SLC24A3: variants seen among roughly 807,000 people sequenced by gnomAD.
SLC24A3 encodes the protein solute carrier family 24 member 3, also known as sodium/potassium/calcium exchanger 3.
Under a neutral mutation model 75.8 loss-of-function variants are expected in SLC24A3, and 28 were observed. The observed-to-expected ratio is 0.37, with a 90% CI of 0.27 to 0.51. The LOEUF (loss-of-function observed/expected upper bound fraction) is 0.51, where lower values mean the gene tolerates loss of function less well. Ranked by LOEUF, SLC24A3 falls within the 20% of genes least tolerant of loss-of-function variation. The pLI, the probability that SLC24A3 is intolerant of heterozygous loss-of-function variation, is 0.94. For synonymous variants in SLC24A3, 372 were observed against 334.1 expected, an observed-to-expected ratio of 1.11 and a Z score of -1.24; for missense variants, 663 against 847.8, an observed-to-expected ratio of 0.78 and a Z score of 2.71.
intron 2 of SLC24A3, among the ~76,000 whole-genome samples, chr20:19,434,469 A>G (rs1228095896): frequency 6.6e-6 from 1 of 152,242 alleles, no homozygotes; most frequent in Non-Finnish European, 1.5e-5. Flanking sequence ...GAACATTTCA[A>G]TTCTGGAAAA....
chr20:19,369,402 A>G (rs1023904295), intron 2 of SLC24A3, among the ~76,000 whole-genome samples: 44 of 152,216 alleles, frequency 2.9e-4, no homozygotes, highest in African/African-American at 9.2e-4. Flanking sequence ...GGCATGAAAG[A>G]CAAAGCAAGA....
intron 2 of SLC24A3, among the ~76,000 whole-genome samples, chr20:19,429,703 C>G (rs1246913096): frequency 6.6e-6 from 1 of 152,090 alleles, no homozygotes. Flanking sequence ...TCTGGGCCGG[C>G]CGACTCTATA....
chr20:19,520,925 AG>A (rs1190939005), intron 3 of SLC24A3, among the ~76,000 whole-genome samples: 3 of 152,298 alleles, frequency 2.0e-5, no homozygotes, highest in Admixed American at 6.5e-5. Flanking sequence ...AAAACTGCAG[AG>A]GAAGCTGATT....
intron 2 of SLC24A3, among the ~76,000 whole-genome samples, chr20:19,467,644 C>A (rs1185318470): frequency 9.4e-4 from 143 of 152,152 alleles, no homozygotes; most frequent in Non-Finnish European, 1.3e-4. Context: ...ACTTTGAGAG[C>A]CCGAGGAGTG....
At chr20:19,655,537 A>G (rs914437451) in intron 7 of SLC24A3, among the ~76,000 whole-genome samples, 2 of 152,106 alleles carry the variant, frequency 1.3e-5, no homozygotes, top group African/African-American at 4.8e-5. Context: ...AGGGCTGGTG[A>G]AAGTATTTCT....
At chr20:19,470,118 A>G (rs1354848449) in intron 2 of SLC24A3, among the ~76,000 whole-genome samples, 1 of 152,170 alleles carries the variant, frequency 6.6e-6, no homozygotes, top group Non-Finnish European at 1.5e-5. Context: ...TCCTTGGCCC[A>G]TTCAGCTCTG....
intron 2 of SLC24A3, among the ~76,000 whole-genome samples, chr20:19,480,611 A>G (rs1172670692): frequency 1.3e-5 from 2 of 152,162 alleles, no homozygotes; most frequent in African/African-American, 4.8e-5. Context: ...CAACTAGCCC[A>G]TTCAGCTCCT....
At chr20:19,638,650 C>A (rs900381327) in intron 6 of SLC24A3, among the ~76,000 whole-genome samples, 3 of 152,080 alleles carry the variant, frequency 2.0e-5, no homozygotes, top group African/African-American at 7.2e-5. Flanking sequence ...TGAGAGGGTG[C>A]TATTATTATC....
chr20:19,243,061 CT>C (rs1318667815), intron 1 of SLC24A3, among the ~76,000 whole-genome samples: 1 of 151,918 alleles, frequency 6.6e-6, no homozygotes, highest in Admixed American at 6.6e-5. Flanking sequence ...ATAAAAGTTT[CT>C]TTTTTATTTG....
intron 2 of SLC24A3, among the ~76,000 whole-genome samples, chr20:19,371,064 C>T (rs952725146): frequency 2.0e-5 from 3 of 152,104 alleles, no homozygotes; most frequent in African/African-American, 7.2e-5. Flanking sequence ...AGCTCCTGAG[C>T]AAGGATTTGG....
chr20:19,464,888 G>T (rs1484269020), intron 2 of SLC24A3, among the ~76,000 whole-genome samples: 1 of 152,176 alleles, frequency 6.6e-6, no homozygotes, highest in Non-Finnish European at 1.5e-5. Context: ...AGTCAATATT[G>T]TCTAGCATCA....
chr20:19,684,807 G>A (rs913772878), intron 11 of SLC24A3, among the ~76,000 whole-genome samples: 2 of 152,164 alleles, frequency 1.3e-5, no homozygotes, highest in Non-Finnish European at 2.9e-5. Flanking sequence ...TGCAGTCTGG[G>A]GAAGAAAGAT....
At chr20:19,248,883 C>G (rs761275093) in intron 1 of SLC24A3, among the ~76,000 whole-genome samples, 4 of 149,618 alleles carry the variant, frequency 2.7e-5, no homozygotes, top group Non-Finnish European at 4.4e-5. Flanking sequence ...GTGAAATTAG[C>G]CAGGCACAGA....
chr20:19,646,967 A>T (rs2032147614), intron 6 of SLC24A3, among the ~76,000 whole-genome samples: 1 of 151,936 alleles, frequency 6.6e-6, no homozygotes, highest in African/African-American at 2.4e-5. Context: ...TTACCAGTTC[A>T]GTTCCCACTG....
intron 2 of SLC24A3, among the ~76,000 whole-genome samples, chr20:19,316,187 C>T (rs988901592): frequency 6.6e-6 from 1 of 152,178 alleles, no homozygotes; most frequent in East Asian, 1.9e-4. Context: ...CACTTTCTAC[C>T]GTCACAAAGT....
intron 2 of SLC24A3, among the ~76,000 whole-genome samples, chr20:19,493,204 A>G (rs556054680): frequency 6.6e-6 from 1 of 152,272 alleles, no homozygotes; most frequent in South Asian, 2.1e-4. Context: ...CAGTTATCTC[A>G]ATGACTGTCA....
chr20:19,565,390 G>T (rs1358527651), intron 3 of SLC24A3, among the ~76,000 whole-genome samples: 1 of 138,830 alleles, frequency 7.2e-6, no homozygotes, highest in Non-Finnish European at 1.6e-5. Flanking sequence ...AACGACCTGG[G>T]AATTTGTGTT....
At chr20:19,293,611 G>A (rs141665754) in intron 2 of SLC24A3, among the ~76,000 whole-genome samples, 1 of 144,846 alleles carries the variant, frequency 6.9e-6, no homozygotes, top group African/African-American at 2.6e-5. Context: ...AGCCGAGATG[G>A]CACCACTGCA....
intron 6 of SLC24A3, among the ~76,000 whole-genome samples, chr20:19,599,530 G>A (rs2031498396): frequency 6.6e-6 from 1 of 152,300 alleles, no homozygotes; most frequent in Non-Finnish European, 1.5e-5. Flanking sequence ...ATGTGTCCCT[G>A]GGCCTTTTTG....
Sources: gnomAD v4.1 joint callset for allele counts (sites outside exome capture counted in the v4.1 genomes callset) on GRCh38, gnomAD v4.1.1 for gene constraint, MANE v1.5 for transcripts, NCBI Gene and HGNC (gene_info 2026-07-23, HGNC 2026-07-21) for gene names.